The following BACH2 variants were observed in gnomAD, a reference collection of about 807,000 sequenced individuals.
BACH2 encodes the protein transcription regulator protein BACH2.
A neutral mutation model predicts 61.8 loss-of-function variants in BACH2; 5 were observed. The ratio of observed to expected loss-of-function variants is 0.08; its 90% CI spans 0.04 to 0.17. The LOEUF is 0.17. Among genes scored for constraint, BACH2 ranks in the 10% least tolerant of loss-of-function variants. The pLI is 1.00. For synonymous variants in BACH2, 446 were observed against 440.1 expected (o/e 1.01, Z -0.17); for missense variants, 824 against 1,091.1 (o/e 0.76, Z 3.45).
intron 7 of BACH2, among the ~76,000 whole-genome samples, chr6:89,945,513 T>G (rs142194539): frequency 6.6e-6 from 1 of 152,174 alleles, no homozygotes; most frequent in Non-Finnish European, 1.5e-5. Flanking sequence ...TCTACAGAGA[T>G]AGAAGGTAGA....
At chr6:89,944,815 T>G (rs552420148) in intron 7 of BACH2, among the ~76,000 whole-genome samples, 1 of 152,146 alleles carries the variant, frequency 6.6e-6, no homozygotes, top group African/African-American at 2.4e-5. Context: ...GCAAAGAAAC[T>G]CTCTGTGGTG....
chr6:89,985,142 A>G (rs1014062463), intron 6 of BACH2, among the ~76,000 whole-genome samples: 20 of 152,160 alleles, frequency 1.3e-4, no homozygotes, highest in Admixed American at 1.2e-3. Context: ...GGAGACACGA[A>G]GCATTAATCA....
chr6:90,180,759 G>A (rs536380637), intron 4 of BACH2, among the ~76,000 whole-genome samples: 2 of 152,020 alleles, frequency 1.3e-5, no homozygotes, highest in East Asian at 1.9e-4. Context: ...GGAATGTGTG[G>A]TGTGGAATAC....
chr6:90,120,808 A>G (rs915022898), intron 4 of BACH2, among the ~76,000 whole-genome samples: 1 of 152,222 alleles, frequency 6.6e-6, no homozygotes, highest in Non-Finnish European at 1.5e-5. Context: ...TTCTCTCTCG[A>G]ACTCTGGAGC....
chr6:90,078,554 C>T (rs1233472537), intron 5 of BACH2, among the ~76,000 whole-genome samples: 1 of 152,066 alleles, frequency 6.6e-6, no homozygotes, highest in African/African-American at 2.4e-5. Context: ...ATTTGTACTC[C>T]AAGAATAGAG....
At chr6:90,229,062 T>C (rs1052598048) in intron 3 of BACH2, among the ~76,000 whole-genome samples, 4 of 152,216 alleles carry the variant, frequency 2.6e-5, no homozygotes, top group African/African-American at 4.8e-5. Context: ...AACACATCTG[T>C]GAACTCACAG....
intron 1 of BACH2, among the ~76,000 whole-genome samples, chr6:90,288,987 C>T (rs1224595369): frequency 6.6e-6 from 1 of 152,108 alleles, no homozygotes; most frequent in Non-Finnish European, 1.5e-5. Context: ...CTTCTTTTGC[C>T]TTTATATGCA....
intron 8 of BACH2, among the ~76,000 whole-genome samples, 195 bp from the exon 9 acceptor site, chr6:89,933,085 T>C (rs1419047719): frequency 3.9e-5 from 6 of 152,144 alleles, no homozygotes; most frequent in Non-Finnish European, 8.8e-5. Context: ...ACCTTCCATC[T>C]GATGCCAACA....
At chr6:90,082,934 T>C (rs1028120636) in intron 5 of BACH2, among the ~76,000 whole-genome samples, 6 of 152,178 alleles carry the variant, frequency 3.9e-5, no homozygotes, top group Non-Finnish European at 7.4e-5. Flanking sequence ...TAACAGATTA[T>C]AGCTTCTAAT....
chr6:90,213,129 A>T (rs894754169), intron 3 of BACH2, among the ~76,000 whole-genome samples: 1 of 152,156 alleles, frequency 6.6e-6, no homozygotes, highest in African/African-American at 2.4e-5. Flanking sequence ...AATTCAGATG[A>T]CTGCAAGGGT....
chr6:90,081,570 T>A (rs1429468964), intron 5 of BACH2, among the ~76,000 whole-genome samples: 4 of 152,172 alleles, frequency 2.6e-5, no homozygotes, highest in African/African-American at 9.6e-5. Context: ...TACACTGAGT[T>A]CCTATTACAT....
At chr6:90,214,631 G>A (rs765931107) in intron 3 of BACH2, among the ~76,000 whole-genome samples, 2 of 151,830 alleles carry the variant, frequency 1.3e-5, no homozygotes, top group Non-Finnish European at 1.5e-5. Flanking sequence ...TAGCAAGCCA[G>A]AATGGGTTAT....
intron 5 of BACH2, among the ~76,000 whole-genome samples, chr6:90,026,533 T>C (rs1778645938): frequency 6.6e-6 from 1 of 152,206 alleles, no homozygotes; most frequent in Non-Finnish European, 1.5e-5. Flanking sequence ...TAGATTCATC[T>C]GACCAGGGAT....
At chr6:89,998,076 T>C (rs1325050037) in intron 6 of BACH2, among the ~76,000 whole-genome samples, 2 of 152,238 alleles carry the variant, frequency 1.3e-5, no homozygotes, top group African/African-American at 4.8e-5. Context: ...AGGTATTTCT[T>C]CAACAAGCTG....
intron 4 of BACH2, among the ~76,000 whole-genome samples, chr6:90,121,152 C>T (rs1360843941): frequency 6.6e-6 from 1 of 152,128 alleles, no homozygotes; most frequent in Non-Finnish European, 1.5e-5. Flanking sequence ...CATGAAGTTC[C>T]AATCAGCAGA....
At position 90,044,846 on chromosome 6, in the gene BACH2, A is replaced by G. The variant is rs549507234; in HGVS notation, c.-12-35990T>C. ...AAAGAGGAAACCCCAGAGGAGGATC[A>G]GGTATGGGGGATGAGGGCAGAACAA... On this transcript the variant is annotated intron_variant, in intron 5 of 8. Transcript: ENST00000257749. 7.5e-4 allele frequency among the ~76,000 whole-genome samples: 114 copies of G among 152,300 alleles called. 2 individuals are homozygous for G. The South Asian group carries it at 0.022, about 30-fold the overall frequency.
chr6:90,016,065 T>C (rs1778043131), intron 5 of BACH2, among the ~76,000 whole-genome samples: 1 of 152,234 alleles, frequency 6.6e-6, no homozygotes, highest in Admixed American at 6.5e-5. Context: ...CTTTGTCTCA[T>C]ATTAACATGG....
intron 5 of BACH2, among the ~76,000 whole-genome samples, chr6:90,029,274 C>G (rs373851952): frequency 3.3e-5 from 5 of 152,144 alleles, no homozygotes; most frequent in African/African-American, 1.2e-4. Context: ...ATTCCAAGAA[C>G]GAGGGGACTT....
chr6:90,116,290 C>T (rs1328179108), intron 4 of BACH2, among the ~76,000 whole-genome samples: 2 of 152,178 alleles, frequency 1.3e-5, no homozygotes, highest in Non-Finnish European at 2.9e-5. Context: ...GGTACATATA[C>T]ATCATGGAAT....
Sources: allele counts gnomAD v4.1 joint callset (sites outside exome capture counted in the v4.1 genomes callset), GRCh38; gene constraint gnomAD v4.1.1; transcripts MANE v1.5; gene names NCBI Gene and HGNC (gene_info 2026-07-23, HGNC 2026-07-21).